PRIM2: variants seen among roughly 807,000 people sequenced by gnomAD.
PRIM2 encodes the protein DNA primase large subunit.
A neutral mutation model predicts 67.3 loss-of-function variants in PRIM2; 39 were observed. That is an observed-to-expected ratio of 0.58 (90% confidence interval 0.45 to 0.76). PRIM2 has a LOEUF of 0.76. PRIM2 is among the 30% of genes least tolerant of loss of function. PRIM2 has a pLI of 0.00. For synonymous variants in PRIM2, 143 were observed against 198.7 expected, an observed-to-expected ratio of 0.72 and a Z score of 2.36; for missense variants, 398 against 598.7, an observed-to-expected ratio of 0.66 and a Z score of 3.50.
intron 12 of PRIM2, among the ~76,000 whole-genome samples, chr6:57,613,135 C>T: frequency 6.6e-6 from 1 of 151,896 alleles, no homozygotes; most frequent in South Asian, 2.1e-4. Context: ...TGGTAAGTAG[C>T]ATAATGAGCC....
intron 7 of PRIM2, among the ~76,000 whole-genome samples, chr6:57,498,146 C>T (rs1437333204): frequency 2.0e-5 from 3 of 152,072 alleles, no homozygotes; most frequent in East Asian, 1.9e-4. Flanking sequence ...CTTTTTGTTG[C>T]TGTGAGGTCT....
chr6:57,240,843 C>T, the PRIM2 span, among the ~76,000 whole-genome samples: 1 of 152,076 alleles, frequency 6.6e-6, no homozygotes, highest in African/African-American at 2.4e-5. Context: ...AATCTCAACA[C>T]TTTGGGAGGT....
At chr6:57,626,010 G>C (rs1776943783) in intron 12 of PRIM2, among the ~76,000 whole-genome samples, 1 of 152,226 alleles carries the variant, frequency 6.6e-6, no homozygotes, top group East Asian at 1.9e-4. Context: ...TATCAGCCCA[G>C]TCTAGTTTTG....
chr6:57,249,558 A>G, the PRIM2 span, among the ~76,000 whole-genome samples: 1 of 152,050 alleles, frequency 6.6e-6, no homozygotes, highest in South Asian at 2.1e-4. Context: ...CCTGACCAAC[A>G]TGGTGAAACC....
chr6:57,380,528 C>G lies in PRIM2; in HGVS notation c.555+532C>G, dbSNP rs527632813. Among the ~76,000 whole-genome samples, 246 of 152,322 alleles carry G rather than the reference C, an allele frequency of 1.6e-3. 1 individual carries two copies. Among genetic ancestry groups the G allele is most frequent in the Non-Finnish European group, 1.7e-3 (114 of 68,030 alleles). ...CTTGGCCACCTCAGTTTCCCCTCCCCACTCAGTTCAGATAACTACGTCACA... is the reference window on the plus strand; with the variant it reads ...CTTGGCCACCTCAGTTTCCCCTCCCGACTCAGTTCAGATAACTACGTCACA... On this transcript the variant is annotated intron_variant, in intron 6 of 13. Transcript: ENST00000615550.
At chr6:57,283,969 T>A in the PRIM2 span, among the ~76,000 whole-genome samples, 1 of 152,180 alleles carries the variant, frequency 6.6e-6, no homozygotes, top group African/African-American at 2.4e-5. Flanking sequence ...ATGACATGGT[T>A]CTAGCTCACC....
At chr6:57,547,122 A>T (rs1370870873) in intron 10 of PRIM2, among the ~76,000 whole-genome samples, 4 of 152,154 alleles carry the variant, frequency 2.6e-5, no homozygotes, top group African/African-American at 9.7e-5. Context: ...AATAAAATTT[A>T]ATTAGTCAGA....
At chr6:57,339,886 C>T (rs1768408655) in intron 5 of PRIM2, among the ~76,000 whole-genome samples, 1 of 150,936 alleles carries the variant, frequency 6.6e-6, no homozygotes, top group African/African-American at 2.4e-5. Flanking sequence ...AGCTTCTGCA[C>T]AGCAAAAGAA....
At chr6:57,637,486 A>G (rs1370886539) in intron 13 of PRIM2, among the ~76,000 whole-genome samples, 3,600 of 152,280 alleles carry the variant, frequency 0.024, 133 homozygotes, top group African/African-American at 0.081. Flanking sequence ...GTTCTAACCC[A>G]ATGCAAGGAA....
At chr6:57,443,336 A>C (rs1239335473) in intron 7 of PRIM2, among the ~76,000 whole-genome samples, 1 of 152,106 alleles carries the variant, frequency 6.6e-6, no homozygotes, top group Non-Finnish European at 1.5e-5. Context: ...AACATTTTCC[A>C]TATTTGCTGT....
intron 7 of PRIM2, among the ~76,000 whole-genome samples, chr6:57,497,017 G>A (rs1334219581): frequency 6.6e-6 from 1 of 152,146 alleles, no homozygotes. Context: ...ATGGCCAAAT[G>A]TATGGGGCTA....
At chr6:57,539,375 T>C (rs1294993089) in intron 10 of PRIM2, among the ~76,000 whole-genome samples, 1 of 152,174 alleles carries the variant, frequency 6.6e-6, no homozygotes, top group Non-Finnish European at 1.5e-5. Context: ...GACCAATCAT[T>C]GAAAATATCT....
At chr6:57,306,927 G>A in the PRIM2 span, among the ~76,000 whole-genome samples, 9 of 152,174 alleles carry the variant, frequency 5.9e-5, no homozygotes, top group African/African-American at 1.7e-4. Context: ...TTGGCCAGGC[G>A]TAGTGGCTCA....
intron 7 of PRIM2, among the ~76,000 whole-genome samples, chr6:57,484,468 CT>C (rs1386601437): frequency 6.6e-6 from 1 of 152,142 alleles, no homozygotes; most frequent in East Asian, 1.9e-4. Context: ...CATGTGGTTT[CT>C]TGTCACACTC....
intron 12 of PRIM2, among the ~76,000 whole-genome samples, chr6:57,612,976 G>A (rs1776693438): frequency 1.3e-5 from 2 of 151,814 alleles, no homozygotes; most frequent in East Asian, 1.9e-4. Context: ...TTACTTTTTT[G>A]TAGAGATAGA....
intron 7 of PRIM2, chr6:57,383,511 A>G (rs1442731527): frequency 6.6e-6 from 1 of 151,424 alleles, no homozygotes; most frequent in East Asian, 1.9e-4. Context: ...TATGCCTGTG[A>G]CAATGTCATT....
intron 8 of PRIM2, among the ~76,000 whole-genome samples, chr6:57,510,105 TATTACAGA>T (rs1349266536): frequency 6.6e-6 from 1 of 151,928 alleles, no homozygotes; most frequent in Non-Finnish European, 1.5e-5. Flanking sequence ...CCTTCTTCTG[TATTACAGA>T]ATTTGTGATA....
chr6:57,308,141 T>C, the PRIM2 span, among the ~76,000 whole-genome samples: 1 of 152,254 alleles, frequency 6.6e-6, no homozygotes, highest in African/African-American at 2.4e-5. Context: ...TCTCTCTTTT[T>C]TTTTTTGAGA....
intron 8 of PRIM2, among the ~76,000 whole-genome samples, chr6:57,522,839 AT>A (rs1774655053): frequency 6.6e-6 from 1 of 152,210 alleles, no homozygotes; most frequent in Non-Finnish European, 1.5e-5. Flanking sequence ...GTAAAGCTTT[AT>A]AAAAATGGAT....
Sources: allele counts gnomAD v4.1 joint callset (sites outside exome capture counted in the v4.1 genomes callset), GRCh38; gene constraint gnomAD v4.1.1; transcripts MANE v1.5; gene names NCBI Gene and HGNC (gene_info 2026-07-23, HGNC 2026-07-21).